The following DNMT3A variants were observed in gnomAD, a reference collection of about 807,000 sequenced individuals.
The protein encoded by DNMT3A is DNA (cytosine-5)-methyltransferase 3A.
A neutral mutation model predicts 117.6 loss-of-function variants in DNMT3A; 267 were observed. That is an observed-to-expected ratio of 2.27 (90% CI 2.05 to 2.51). The LOEUF is 2.51. Ranked by LOEUF, DNMT3A falls within the 30% of genes most tolerant of loss-of-function variation. The pLI is 0.00. For synonymous variants in DNMT3A, 432 were observed against 474.8 expected, an observed-to-expected ratio of 0.91 and a Z score of 1.17; for missense variants, 1,029 against 1,260.2, an observed-to-expected ratio of 0.82 and a Z score of 2.78.
intron 2 of DNMT3A, among the ~76,000 whole-genome samples, chr2:25,309,397 T>C (rs1573472753): frequency 6.6e-6 from 1 of 152,148 alleles, no homozygotes; most frequent in East Asian, 1.9e-4. Context: ...CTCCATCTGG[T>C]GTGTGTGCCT....
At chr2:25,328,053 C>A (rs114516441) in intron 1 of DNMT3A, among the ~76,000 whole-genome samples, 1,562 of 152,262 alleles carry the variant, frequency 0.01, 25 homozygotes, top group African/African-American at 0.036. Context: ...TCCCACCCCA[C>A]CCTATCAGCA....
chr2:25,242,015 T>A, intron 16 of DNMT3A: 1 of 395,320 alleles, frequency 2.5e-6, no homozygotes, highest in Non-Finnish European at 4.5e-6. Flanking sequence ...GGCCTTTTCT[T>A]TGTTGTTGTC....
At chr2:25,275,596 G>C in intron 4 of DNMT3A, 53 bp from the exon 5 acceptor site, 1 of 1,543,436 alleles carries the variant, frequency 6.5e-7, no homozygotes, top group South Asian at 1.2e-5. Flanking sequence ...AGAATTACTG[G>C]AGTGGCTCAC....
chr2:25,236,070 T>TC lies in DNMT3A; in HGVS notation c.2479-246_2479-245insG, dbSNP rs1673330052. 6.6e-6 allele frequency among the ~76,000 whole-genome samples: 1 copy of TC among 151,206 alleles called. No individual in the cohort carries two copies. The highest frequency in any genetic ancestry group is 2.4e-5 in the African/African-American group (1 of 41,326). On this transcript the variant is annotated intron_variant, in intron 21 of 22. Coordinates refer to ENST00000321117, the MANE Select transcript of DNMT3A (RefSeq NM_022552.5). The surrounding 1 kb of genome is among the most constrained non-coding windows in gnomAD (Gnocchi z 4.5). ...CTTAGATCCATCTAGCCACAGACTT[T>TC]TTTTTTTTTTTTTGAGACGGAGTCT...
intron 17 of DNMT3A, 146 bp downstream of exon 17, chr2:25,241,416 A>G: frequency 8.6e-7 from 1 of 1,165,376 alleles, no homozygotes; most frequent in Non-Finnish European, 1.2e-6. Flanking sequence ...ACAGAGGACA[A>G]ATGGAAGATA....
At chr2:25,314,736 G>GAGGCCACGGCCACGGCCA (rs1553431592) in intron 1 of DNMT3A, 8 of 984,724 alleles carry the variant, frequency 8.1e-6, no homozygotes, top group African/African-American at 5.2e-5. Context: ...CTAGGAGGGA[G>GAGGCCACGGCCACGGCCA]AGGCCACGGC....
At chr2:25,300,726 T>TAC (rs1422090799) in intron 2 of DNMT3A, among the ~76,000 whole-genome samples, 10 of 23,690 alleles carry the variant, frequency 4.2e-4, no homozygotes, top group African/African-American at 2.0e-3. Flanking sequence ...TATATATATA[T>TAC]ATATATATAT....
In DNMT3A at chr2:25,234,121, G is replaced by C; in HGVS notation, c.*158C>G. ...CCCTTTTCGCAAGGCAAAGCCCTCC[G>C]GTATTTCCGCCTCTGTGGTTTTTGT... On this transcript the variant is annotated 3_prime_UTR_variant, in exon 23 of 23. Transcript: ENST00000321117. The surrounding 1 kb of genome is among the most constrained non-coding windows in gnomAD (Gnocchi z 4.5). The C allele has an allele frequency of 8.6e-7, 1 of 1,164,962 alleles. No individual in the cohort carries two copies. Among genetic ancestry groups the C allele is most frequent in the Non-Finnish European group, 1.1e-6 (1 of 869,576 alleles). 72.2% of individuals were successfully genotyped at this position (1,164,962 alleles called of 1,614,324 possible).
At chr2:25,324,721 A>G (rs1412328455) in intron 1 of DNMT3A, among the ~76,000 whole-genome samples, 1 of 151,948 alleles carries the variant, frequency 6.6e-6, no homozygotes. Context: ...TCCTGTCACA[A>G]CCTCTCTTGG....
intron 6 of DNMT3A, among the ~76,000 whole-genome samples, chr2:25,260,157 C>T (rs1299832766): frequency 1.3e-5 from 2 of 152,190 alleles, no homozygotes; most frequent in East Asian, 1.9e-4. Flanking sequence ...GAGAGACCCC[C>T]GCCGCCAATG....
At chr2:25,284,645 TAAA>T (rs56901099) in intron 3 of DNMT3A, among the ~76,000 whole-genome samples, 7 of 16,630 alleles carry the variant, frequency 4.2e-4, no homozygotes, top group African/African-American at 2.5e-3. Flanking sequence ...AGACTCCATC[TAAA>T]AAAAAAAAAA....
chr2:25,235,515 A>G (rs1313205616), intron 22 of DNMT3A, among the ~76,000 whole-genome samples, 192 bp downstream of exon 22: 2 of 152,128 alleles, frequency 1.3e-5, no homozygotes, highest in African/African-American at 2.4e-5. Flanking sequence ...GACCAGCCTT[A>G]AAATACCCAG....
At position 25,243,905 on chromosome 2, in the gene DNMT3A, G is replaced by A. The variant is rs906581890; in HGVS notation, c.1929C>T (p.Ile643=). The change falls in exon 16 of 23, where the codon ATC becomes ATT. Residue 643 remains isoleucine, a synonymous_variant. Coordinates refer to ENST00000321117, the MANE Select transcript of DNMT3A (RefSeq NM_022552.5). ...TGGGCCTGCACCCCTCACCTGTAGC[G>A]ATTCCATCAAAGAGAGACAGCACCC... ...PIRVLSLFDG[I]ATGLLVLKDL... 1.9e-6 allele frequency: 3 copies of A among 1,551,950 alleles called. No homozygotes were observed. Among genetic ancestry groups the A allele is most frequent in the Middle Eastern group, 1.7e-4 (1 of 5,992 alleles).
intron 6 of DNMT3A, 72 bp from the exon 7 acceptor site, chr2:25,248,324 G>A: frequency 6.6e-7 from 1 of 1,518,518 alleles, no homozygotes; most frequent in South Asian, 1.2e-5. Context: ...CACTCAAGGG[G>A]ACCATGTTTG....
chr2:25,307,459 CTTTTTTTTTTTTTTTT>C (rs35144977), intron 2 of DNMT3A, among the ~76,000 whole-genome samples: 8 of 79,104 alleles, frequency 1.0e-4, no homozygotes, highest in Admixed American at 8.4e-4. Flanking sequence ...CACACCGCAG[CTTTTTTTTTTTTTTTT>C]TTTTTTTGAG....
Position 25,243,250 on chromosome 2 carries a change from G to A in DNMT3A, c.1936+648C>T, listed in dbSNP as rs138849866. ...AACCCAGGAGGCAGAGGTTGCAGTG[G>A]GCCAAGATGGCACCACTGCACTCCA... On this transcript the variant is annotated intron_variant, in intron 16 of 22. Transcript: ENST00000321117. Among the ~76,000 whole-genome samples the A allele has an allele frequency of 2.7e-3, 412 of 151,268 alleles. 2 individuals are homozygous for A. The highest frequency in any genetic ancestry group is 7.4e-4 in the Non-Finnish European group (50 of 67,836).
Position 25,228,611 on chromosome 2 carries a change from A to G in DNMT3A, c.*5668T>C, listed in dbSNP as rs1316230303. On this transcript the variant is annotated 3_prime_UTR_variant, in exon 23 of 23. Coordinates refer to ENST00000321117, the MANE Select transcript of DNMT3A (RefSeq NM_022552.5). ...TTTTTAATAATAATATATCAGAGTA[A>G]AATAATAGTCTCTTTTAAACTCCAC... 6.6e-6 allele frequency: 1 copy of G among 152,174 alleles called. No individual in the cohort carries two copies. The highest frequency in any genetic ancestry group is 6.5e-5 in the Admixed American group (1 of 15,272). 9.4% of individuals were successfully genotyped at this position (152,174 alleles called of 1,614,324 possible).
intron 6 of DNMT3A, among the ~76,000 whole-genome samples, chr2:25,266,654 G>A (rs2030376075): frequency 6.6e-6 from 1 of 152,230 alleles, no homozygotes; most frequent in Admixed American, 6.5e-5. Flanking sequence ...GGCAACATTT[G>A]CTAAGCTCAT....
In DNMT3A at chr2:25,311,743, A is replaced by G. The variant is rs570684978; in HGVS notation, c.72+2170T>C. 1.3e-5 allele frequency among the ~76,000 whole-genome samples: 2 copies of G among 152,010 alleles called. No homozygotes were observed. The highest frequency in any genetic ancestry group is 4.2e-4 in the South Asian group (2 of 4,796). On this transcript the variant is annotated intron_variant, in intron 2 of 22. Transcript: ENST00000321117. This position sits in a 1 kb window ranked among gnomAD's most constrained non-coding sequence, Gnocchi z 5.2. Reference sequence around the variant, plus strand: ...ATGACCTTATCTGACTTCCACAACCACCCTTTAAAACAGGCAAGGCTGGAG... The same window carrying G: ...ATGACCTTATCTGACTTCCACAACCGCCCTTTAAAACAGGCAAGGCTGGAG...
Sources: gnomAD v4.1 joint callset for allele counts (sites outside exome capture counted in the v4.1 genomes callset) on GRCh38, gnomAD v4.1.1 for gene constraint, Gnocchi (gnomAD v3.1) non-coding constraint, MANE v1.5 for transcripts, NCBI Gene and HGNC (gene_info 2026-07-23, HGNC 2026-07-21) for gene names.